The following CD2AP variants were observed in gnomAD, a reference collection of about 807,000 sequenced individuals.
CD2AP encodes the protein CD2-associated protein.
In CD2AP, 46 loss-of-function variants were observed where a neutral mutation model predicts 85.1. The ratio of observed to expected loss-of-function variants is 0.54; its 90% CI spans 0.43 to 0.69. The LOEUF is 0.69. Ranked by LOEUF, CD2AP falls within the 30% of genes least tolerant of loss-of-function variation. CD2AP has a pLI of 0.00. For synonymous variants in CD2AP, 255 were observed against 252.9 expected (o/e 1.01, Z -0.08); for missense variants, 769 against 729.5 (o/e 1.05, Z -0.62).
chr6:47,585,395 C>T (rs1404573595), intron 11 of CD2AP, among the ~76,000 whole-genome samples: 1 of 152,082 alleles, frequency 6.6e-6, no homozygotes, highest in African/African-American at 2.4e-5. Context: ...ATTTACACTC[C>T]TGAGTTAAAC....
chr6:47,616,119 T>G (rs998119533), intron 17 of CD2AP, among the ~76,000 whole-genome samples: 12 of 112,386 alleles, frequency 1.1e-4, no homozygotes, highest in African/African-American at 3.6e-4. Context: ...TGAGATGAAG[T>G]CTTGCTCTGT....
chr6:47,542,455 T>G (rs1156856334), intron 3 of CD2AP, among the ~76,000 whole-genome samples: 1 of 152,206 alleles, frequency 6.6e-6, no homozygotes, highest in Non-Finnish European at 1.5e-5. Context: ...TAATTTCCAT[T>G]GTGGTGATAT....
chr6:47,558,759 T>C lies in CD2AP; in HGVS notation c.541+3993T>C, dbSNP rs187619262. Among the ~76,000 whole-genome samples the C allele has an allele frequency of 3.3e-5, 5 of 152,346 alleles. No homozygotes were observed. The East Asian group carries it at 9.6e-4, about 29-fold the overall frequency. On this transcript the variant is annotated intron_variant, in intron 5 of 17. Coordinates refer to ENST00000359314, the MANE Select transcript of CD2AP (RefSeq NM_012120.3). ...TTGAGGATTTTCGCATTGATGTTCATCAGGGATATTGGCCTGAAATTTTCT... is the reference window on the plus strand; with the variant it reads ...TTGAGGATTTTCGCATTGATGTTCACCAGGGATATTGGCCTGAAATTTTCT...
chr6:47,488,555 A>G (rs980482422), intron 1 of CD2AP, among the ~76,000 whole-genome samples: 3 of 152,160 alleles, frequency 2.0e-5, no homozygotes, highest in African/African-American at 7.2e-5. Flanking sequence ...TATGAAAGAA[A>G]TCTTGACATC....
Position 47,570,250 on chromosome 6 carries a change from A to T in CD2AP, c.542-3814A>T, listed in dbSNP as rs1768112954. 2.0e-5 allele frequency among the ~76,000 whole-genome samples: 3 copies of T among 152,110 alleles called. No homozygotes were observed. In the South Asian group the frequency reaches 6.2e-4, roughly 32 times the overall value. Reference sequence around the variant, plus strand: ...TTCTTTTAAGTCACTTTATATGAAGATACAAGCCATCAAGTAGCTTTTGCT... The same window carrying T: ...TTCTTTTAAGTCACTTTATATGAAGTTACAAGCCATCAAGTAGCTTTTGCT... On this transcript the variant is annotated intron_variant, in intron 5 of 17. Coordinates refer to ENST00000359314, the MANE Select transcript of CD2AP (RefSeq NM_012120.3).
intron 17 of CD2AP, among the ~76,000 whole-genome samples, chr6:47,622,775 C>T (rs558231176): frequency 7.9e-5 from 12 of 152,256 alleles, no homozygotes; most frequent in Admixed American, 1.3e-4. Context: ...TTCTTGCAGT[C>T]GGTCTGGAGT....
At chr6:47,537,077 C>G (rs1767071350) in intron 3 of CD2AP, among the ~76,000 whole-genome samples, 1 of 152,158 alleles carries the variant, frequency 6.6e-6, no homozygotes, top group African/African-American at 2.4e-5. Context: ...GTAAAAGATA[C>G]ATTGAGATTG....
At chr6:47,543,023 C>T (rs1767260519) in intron 3 of CD2AP, among the ~76,000 whole-genome samples, 2 of 151,480 alleles carry the variant, frequency 1.3e-5, no homozygotes, top group South Asian at 2.1e-4. Flanking sequence ...TGGTGGCGCT[C>T]ACCTGTAATC....
chr6:47,514,146 TTGTC>T (rs1766392081), intron 2 of CD2AP, among the ~76,000 whole-genome samples: 1 of 152,234 alleles, frequency 6.6e-6, no homozygotes, highest in African/African-American at 2.4e-5. Flanking sequence ...TTTTTGTGAC[TTGTC>T]TAAGTATAAA....
intron 6 of CD2AP, among the ~76,000 whole-genome samples, chr6:47,574,561 A>T (rs932520386): frequency 6.7e-6 from 1 of 148,836 alleles, no homozygotes; most frequent in Non-Finnish European, 1.5e-5. Context: ...AGCTAAAATT[A>T]TATATAAATT....
chr6:47,555,733 C>T (rs1371249394), intron 5 of CD2AP, among the ~76,000 whole-genome samples: 8 of 151,922 alleles, frequency 5.3e-5, no homozygotes, highest in African/African-American at 1.5e-4. Context: ...GTTAGTCTTC[C>T]GTGATGGCAG....
At chr6:47,610,276 A>G (rs1349396690) in intron 16 of CD2AP, among the ~76,000 whole-genome samples, 1 of 152,106 alleles carries the variant, frequency 6.6e-6, no homozygotes, top group Non-Finnish European at 1.5e-5. Context: ...TTTTAAGCAC[A>G]ATTCTACAAA....
At chr6:47,524,058 C>T (rs1019676290) in intron 2 of CD2AP, among the ~76,000 whole-genome samples, 1 of 152,148 alleles carries the variant, frequency 6.6e-6, no homozygotes, top group East Asian at 1.9e-4. Context: ...TACTATTCTT[C>T]ATACTGTAAA....
intron 14 of CD2AP, among the ~76,000 whole-genome samples, chr6:47,606,778 G>T: frequency 6.6e-6 from 1 of 151,706 alleles, no homozygotes; most frequent in East Asian, 1.9e-4. Context: ...GGGTAAATGC[G>T]GTATCCATCA....
In CD2AP at chr6:47,601,086, G is replaced by A. The variant is rs6935825; in HGVS notation, c.1417+1643G>A. 9.6e-3 allele frequency among the ~76,000 whole-genome samples: 1,444 copies of A among 150,946 alleles called. 24 individuals are homozygous for A. Among genetic ancestry groups the A allele is most frequent in the African/African-American group, 0.033 (1,371 of 41,214 alleles). ...TAAATTACAACATTTTCTTTTTTTCGAAACTTTTCCTATATAGTGTCACAA... is the reference window on the plus strand; with the variant it reads ...TAAATTACAACATTTTCTTTTTTTCAAAACTTTTCCTATATAGTGTCACAA... On this transcript the variant is annotated intron_variant, in intron 13 of 17. Transcript: ENST00000359314.
chr6:47,516,539 A>G (rs1325713388), intron 2 of CD2AP, among the ~76,000 whole-genome samples: 1 of 152,226 alleles, frequency 6.6e-6, no homozygotes, highest in African/African-American at 2.4e-5. Context: ...ACTGGTACTC[A>G]TGAAGGTCTT....
intron 1 of CD2AP, among the ~76,000 whole-genome samples, chr6:47,498,446 A>G (rs972171625): frequency 6.6e-6 from 1 of 152,178 alleles, no homozygotes; most frequent in Non-Finnish European, 1.5e-5. Context: ...TTGGATTCTC[A>G]CAGACCTGTT....
chr6:47,584,259 C>T lies in CD2AP; in HGVS notation c.1108+2194C>T, dbSNP rs75217797. Among the ~76,000 whole-genome samples, 1,029 of 152,170 alleles carry T rather than the reference C, an allele frequency of 6.8e-3. 2 individuals are homozygous for T. Among genetic ancestry groups the T allele is most frequent in the Non-Finnish European group, 0.012 (813 of 67,998 alleles). On this transcript the variant is annotated intron_variant, in intron 11 of 17. Transcript: ENST00000359314. ...CAATTACTTCTTTTATGGATCATGG[C>T]TTTGGTGTTGTATCTAAAAAGTCAT... is the stretch of plus-strand genomic sequence containing the variant.
intron 5 of CD2AP, among the ~76,000 whole-genome samples, chr6:47,556,892 A>G (rs1022937517): frequency 6.6e-6 from 1 of 152,122 alleles, no homozygotes; most frequent in African/African-American, 2.4e-5. Context: ...TCCTTGAGGA[A>G]TTGCCACATT....
Sources: allele counts gnomAD v4.1 joint callset (sites outside exome capture counted in the v4.1 genomes callset), GRCh38; gene constraint gnomAD v4.1.1; transcripts MANE v1.5; gene names NCBI Gene and HGNC (gene_info 2026-07-23, HGNC 2026-07-21).